ZFHX3: variants seen among roughly 807,000 people sequenced by gnomAD.
ZFHX3 encodes the protein zinc finger homeobox protein 3.
In ZFHX3, 42 loss-of-function variants were observed where a neutral mutation model predicts 279.1. The observed-to-expected ratio is 0.15, with a 90% CI of 0.12 to 0.19. ZFHX3 has a LOEUF of 0.19. ZFHX3 is among the 10% of genes least tolerant of loss of function. The probability of loss-of-function intolerance (pLI) is 1.00; values close to 1 mark genes in which losing one functional copy is unlikely to be tolerated. For synonymous variants in ZFHX3, 2,293 were observed against 1,957.8 expected, an observed-to-expected ratio of 1.17 and a Z score of -4.52; for missense variants, 4,981 against 4,754.0, an observed-to-expected ratio of 1.05 and a Z score of -1.40.
chr16:73,588,707 C>CAAAAA (rs35010044), intron 2 of ZFHX3, among the ~76,000 whole-genome samples: 1 of 134,248 alleles, frequency 7.4e-6, no homozygotes, highest in East Asian at 2.1e-4. Flanking sequence ...AAAAACAAAA[C>CAAAAA]AAAAAAAAAA....
At chr16:73,324,362 G>T (rs2015638290) in intron 3 of ZFHX3, among the ~76,000 whole-genome samples, 2 of 152,176 alleles carry the variant, frequency 1.3e-5, no homozygotes, top group African/African-American at 4.8e-5. Flanking sequence ...TTTGAGTGTG[G>T]TAGACTTGAC....
At chr16:73,277,542 A>G (rs778656153) in intron 4 of ZFHX3, among the ~76,000 whole-genome samples, 33 of 152,190 alleles carry the variant, frequency 2.2e-4, no homozygotes, top group Non-Finnish European at 3.2e-4. Flanking sequence ...GATGAATTAA[A>G]TCCTCATGAC....
intron 2 of ZFHX3, among the ~76,000 whole-genome samples, chr16:73,511,668 G>T (rs2019430978): frequency 6.6e-6 from 1 of 152,128 alleles, no homozygotes; most frequent in African/African-American, 2.4e-5. Context: ...ATTTGAGGAG[G>T]CCTTCATTTC....
chr16:73,505,355 G>C (rs1447494409), intron 2 of ZFHX3, among the ~76,000 whole-genome samples: 1 of 152,146 alleles, frequency 6.6e-6, no homozygotes, highest in African/African-American at 2.4e-5. Context: ...ACAAGAAGCA[G>C]GGCGTGAACA....
chr16:73,468,459 G>T (rs2018609315), intron 2 of ZFHX3, among the ~76,000 whole-genome samples: 1 of 152,180 alleles, frequency 6.6e-6, no homozygotes, highest in African/African-American at 2.4e-5. Context: ...AAATTAGCTA[G>T]GCGTGGTGGC....
chr16:73,355,806 C>T (rs1433651603), intron 3 of ZFHX3, among the ~76,000 whole-genome samples: 1 of 152,162 alleles, frequency 6.6e-6, no homozygotes, highest in East Asian at 1.9e-4. Context: ...TGCTGCTGAT[C>T]TGTTCCAACA....
At position 72,797,768 on chromosome 16, in the gene ZFHX3, C is replaced by G. The variant is rs763762434; in HGVS notation, c.4914G>C (p.Gly1638=). The G allele has an allele frequency of 9.9e-6, 16 of 1,613,986 alleles. No homozygotes were observed. Among genetic ancestry groups the G allele is most frequent in the Non-Finnish European group, 1.4e-5 (16 of 1,180,024 alleles). Residue 1638 remains glycine (G), a synonymous_variant, in exon 9 of 10, where the codon GGG becomes GGC. Transcript: ENST00000268489. The part of the protein sequence containing the change: ...KLEAASGSSN[G]TGNSSSISLS... ...AGGAAATACTGCTGCTGTTCCCAGT[C>G]CCATTGCTGCTGCCACTTGCAGCCT...
At chr16:73,701,138 C>T (rs760311095) in intron 1 of ZFHX3, among the ~76,000 whole-genome samples, 1 of 152,126 alleles carries the variant, frequency 6.6e-6, no homozygotes, top group African/African-American at 2.4e-5. Flanking sequence ...AAATAATGAA[C>T]AAATACCAGA....
intron 1 of ZFHX3, among the ~76,000 whole-genome samples, chr16:73,725,668 C>T (rs2053513026): frequency 6.6e-6 from 1 of 152,066 alleles, no homozygotes; most frequent in South Asian, 2.1e-4. Flanking sequence ...CCTAAGTCCT[C>T]CCTTTGACCC....
chr16:73,634,433 A>ATTATATATATAT (rs1197229737), intron 2 of ZFHX3, among the ~76,000 whole-genome samples: 20 of 59,878 alleles, frequency 3.3e-4, no homozygotes, highest in African/African-American at 8.3e-4. Context: ...TATTATGTAT[A>ATTATATATATAT]ATATATATAT....
chr16:73,812,125 G>C (rs1960445754), intron 1 of ZFHX3, among the ~76,000 whole-genome samples: 1 of 152,208 alleles, frequency 6.6e-6, no homozygotes, highest in East Asian at 1.9e-4. Context: ...CCACCACACT[G>C]TTGCCCACTC....
At chr16:73,616,721 G>C (rs2052306409) in intron 2 of ZFHX3, among the ~76,000 whole-genome samples, 1 of 152,120 alleles carries the variant, frequency 6.6e-6, no homozygotes, top group East Asian at 1.9e-4. Context: ...TGTTATTTAT[G>C]ATCCCCTTAG....
intron 2 of ZFHX3, among the ~76,000 whole-genome samples, chr16:73,511,317 A>G (rs896132743): frequency 6.6e-6 from 1 of 152,058 alleles, no homozygotes; most frequent in Non-Finnish European, 1.5e-5. Flanking sequence ...CCTCACTCCT[A>G]TCATCTGAGA....
At chr16:73,103,097 G>A (rs1184098633) in intron 7 of ZFHX3, among the ~76,000 whole-genome samples, 1 of 152,038 alleles carries the variant, frequency 6.6e-6, no homozygotes, top group Non-Finnish European at 1.5e-5. Context: ...GCTAATTTTT[G>A]TATTTTTGGT....
chr16:73,402,360 C>A (rs539198109), intron 3 of ZFHX3: 1 of 152,182 alleles, frequency 6.6e-6, no homozygotes, highest in South Asian at 2.1e-4. Context: ...GCATGAAGGG[C>A]AACTTGGTAG....
At chr16:73,199,181 T>C (rs1437507245) in intron 5 of ZFHX3, among the ~76,000 whole-genome samples, 6 of 152,144 alleles carry the variant, frequency 3.9e-5, no homozygotes, top group Non-Finnish European at 8.8e-5. Context: ...TAACGTATGA[T>C]CAGAAAGGAA....
intron 2 of ZFHX3, among the ~76,000 whole-genome samples, chr16:73,566,941 C>T (rs540609505): frequency 3.2e-4 from 48 of 152,248 alleles, no homozygotes; most frequent in African/African-American, 1.0e-3. Flanking sequence ...TCAGGTGATC[C>T]GCCTGCCTTG....
At chr16:73,476,054 T>C in intron 2 of ZFHX3, among the ~76,000 whole-genome samples, 1 of 152,196 alleles carries the variant, frequency 6.6e-6, no homozygotes, top group East Asian at 1.9e-4. Context: ...ATTTTTGAAC[T>C]CTCAACTTTT....
intron 3 of ZFHX3, among the ~76,000 whole-genome samples, chr16:72,939,678 AG>A (rs1430608682): frequency 6.6e-6 from 1 of 152,240 alleles, no homozygotes; most frequent in African/African-American, 2.4e-5. Flanking sequence ...ACTTGAGGTC[AG>A]GAGTTCGAGA....
Sources: gnomAD v4.1 joint callset for allele counts (sites outside exome capture counted in the v4.1 genomes callset) on GRCh38, gnomAD v4.1.1 for gene constraint, MANE v1.5 for transcripts, NCBI Gene and HGNC (gene_info 2026-07-23, HGNC 2026-07-21) for gene names.